The following FHIT variants were observed in gnomAD, a reference collection of about 807,000 sequenced individuals.
The protein encoded by FHIT is bis(5'-adenosyl)-triphosphatase.
FHIT carries 19 observed loss-of-function variants against 17.9 expected under a neutral mutation model. That is an observed-to-expected ratio of 1.06 (90% CI 0.74 to 1.56). FHIT has a LOEUF of 1.56. Ranked by LOEUF, FHIT falls within the 40% of genes most tolerant of loss-of-function variation. FHIT has a pLI of 0.00. For missense variants in FHIT, 248 were observed against 189.2 expected (o/e 1.31, Z -1.82); for synonymous variants, 81 against 69.7 (o/e 1.16, Z -0.81).
At chr3:60,564,905 TCTA>T (rs1331461594) in intron 4 of FHIT, among the ~76,000 whole-genome samples, 8 of 152,126 alleles carry the variant, frequency 5.3e-5, no homozygotes, top group African/African-American at 1.7e-4. Flanking sequence ...TAAAATAAGT[TCTA>T]CTATGAGTAA....
chr3:61,081,866 A>C (rs563053263), intron 2 of FHIT, among the ~76,000 whole-genome samples: 18 of 152,330 alleles, frequency 1.2e-4, no homozygotes, highest in African/African-American at 3.4e-4. Context: ...GCACACAAGT[A>C]AACCTATTCT....
At chr3:60,592,924 C>T (rs2038135129) in intron 4 of FHIT, among the ~76,000 whole-genome samples, 1 of 152,090 alleles carries the variant, frequency 6.6e-6, no homozygotes, top group African/African-American at 2.4e-5. Context: ...TGGGATATAG[C>T]ACTGTCTTGA....
chr3:61,095,964 C>T (rs534526177), intron 2 of FHIT, among the ~76,000 whole-genome samples: 16 of 152,282 alleles, frequency 1.1e-4, no homozygotes, highest in Admixed American at 5.2e-4. Flanking sequence ...GATGATCTTC[C>T]AAGTTTCTCT....
intron 4 of FHIT, among the ~76,000 whole-genome samples, chr3:60,584,832 T>C (rs1013265336): frequency 3.9e-5 from 6 of 152,064 alleles, no homozygotes; most frequent in Non-Finnish European, 8.8e-5. Context: ...CAATGTAATA[T>C]CTAGCAATGT....
intron 5 of FHIT, among the ~76,000 whole-genome samples, chr3:60,274,708 G>C (rs976225000): frequency 2.6e-5 from 4 of 152,092 alleles, no homozygotes; most frequent in African/African-American, 4.8e-5. Flanking sequence ...TAGTCTCTTG[G>C]ACTCCACTAA....
chr3:60,224,057 A>G (rs1290675161), intron 5 of FHIT, among the ~76,000 whole-genome samples: 3 of 152,172 alleles, frequency 2.0e-5, no homozygotes, highest in Non-Finnish European at 4.4e-5. Context: ...TAACTTAAAC[A>G]TTAACAATAA....
At chr3:59,933,070 T>C (rs1575721329) in intron 7 of FHIT, among the ~76,000 whole-genome samples, 2 of 152,086 alleles carry the variant, frequency 1.3e-5, no homozygotes, top group East Asian at 3.9e-4. Context: ...TCTCCTGTAG[T>C]AGTAAGTTAA....
intron 5 of FHIT, among the ~76,000 whole-genome samples, chr3:60,393,666 G>T (rs113958911): frequency 6.6e-6 from 1 of 151,426 alleles, no homozygotes; most frequent in Admixed American, 6.6e-5. Context: ...TTCTTCCTAC[G>T]TTTTTTTTAT....
chr3:60,294,729 A>G (rs1182874231), intron 5 of FHIT, among the ~76,000 whole-genome samples: 3 of 152,144 alleles, frequency 2.0e-5, no homozygotes, highest in South Asian at 2.1e-4. Context: ...CCAACCACTC[A>G]TCTGTTCTCC....
chr3:60,648,168 G>C (rs1168519766), intron 4 of FHIT, among the ~76,000 whole-genome samples: 2 of 152,138 alleles, frequency 1.3e-5, no homozygotes, highest in African/African-American at 4.8e-5. Context: ...ACAGGTTGAC[G>C]TCCACCTAGG....
intron 8 of FHIT, among the ~76,000 whole-genome samples, chr3:59,893,783 G>A (rs574909007): frequency 5.7e-4 from 87 of 152,272 alleles, no homozygotes; most frequent in African/African-American, 1.9e-3. Flanking sequence ...CCCATGATCC[G>A]CCTCAGAGGA....
At chr3:60,046,810 C>A (rs149577589) in intron 5 of FHIT, among the ~76,000 whole-genome samples, 43 of 152,328 alleles carry the variant, frequency 2.8e-4, no homozygotes, top group African/African-American at 1.0e-3. Context: ...CCCAAGCTTT[C>A]TGATGCCAGG....
In FHIT at chr3:60,772,094, A is replaced by C. The variant is rs552463025; in HGVS notation, c.-18+49825T>G. On this transcript the variant is annotated intron_variant, in intron 4 of 9. Coordinates refer to ENST00000492590, the MANE Select transcript of FHIT (RefSeq NM_002012.4). ...TTCTGCTATAAACTAAAGTTGAACCAATAAATATGTCTAGACTCTGCCATG... is the reference window on the plus strand; with the variant it reads ...TTCTGCTATAAACTAAAGTTGAACCCATAAATATGTCTAGACTCTGCCATG... 1.4e-3 allele frequency among the ~76,000 whole-genome samples: 207 copies of C among 152,190 alleles called. 1 individual carries two copies. The highest frequency in any genetic ancestry group is 4.7e-3 in the African/African-American group (196 of 41,526).
chr3:60,514,579 C>T (rs1169781236), intron 5 of FHIT, among the ~76,000 whole-genome samples: 1 of 152,180 alleles, frequency 6.6e-6, no homozygotes, highest in Non-Finnish European at 1.5e-5. Flanking sequence ...GATGCAGCAA[C>T]CACCATGGCA....
At chr3:61,215,106 G>A (rs2039629066) in intron 1 of FHIT, among the ~76,000 whole-genome samples, 1 of 151,822 alleles carries the variant, frequency 6.6e-6, no homozygotes, top group South Asian at 2.1e-4. Flanking sequence ...ACAAGACAGG[G>A]ATGCCCTCTC....
At chr3:60,059,150 G>T (rs1167679670) in intron 5 of FHIT, among the ~76,000 whole-genome samples, 3 of 152,142 alleles carry the variant, frequency 2.0e-5, no homozygotes, top group South Asian at 2.1e-4. Flanking sequence ...ATAATAATTT[G>T]TCACAGCCAG....
intron 5 of FHIT, among the ~76,000 whole-genome samples, chr3:60,060,973 C>T (rs906665226): frequency 3.9e-5 from 6 of 152,170 alleles, no homozygotes; most frequent in Non-Finnish European, 8.8e-5. Context: ...GAGTTTCTAT[C>T]TCTGAATCCA....
intron 5 of FHIT, among the ~76,000 whole-genome samples, chr3:60,088,879 G>A (rs544031940): frequency 6.6e-6 from 1 of 152,084 alleles, no homozygotes; most frequent in Non-Finnish European, 1.5e-5. Flanking sequence ...CACATGGTAG[G>A]TACTCAATAA....
chr3:60,217,981 A>T (rs916209270), intron 5 of FHIT, among the ~76,000 whole-genome samples: 2 of 152,202 alleles, frequency 1.3e-5, no homozygotes, highest in Non-Finnish European at 2.9e-5. Context: ...ACTATAAAGC[A>T]ATGCCATTCT....
Sources: gnomAD v4.1 joint callset for allele counts (sites outside exome capture counted in the v4.1 genomes callset) on GRCh38, gnomAD v4.1.1 for gene constraint, MANE v1.5 for transcripts, NCBI Gene and HGNC (gene_info 2026-07-23, HGNC 2026-07-21) for gene names.